The following EYS variants were observed in gnomAD, a reference collection of about 807,000 sequenced individuals.
The protein encoded by EYS is protein eyes shut homolog.
In EYS, 250 loss-of-function variants were observed where a neutral mutation model predicts 282.1. That is an observed-to-expected ratio of 0.89 (90% CI 0.80 to 0.98). The LOEUF (loss-of-function observed/expected upper bound fraction) is 0.98, where lower values mean the gene tolerates loss of function less well. Ranked by LOEUF, EYS falls within the 50% of genes least tolerant of loss-of-function variation. EYS has a pLI of 0.00. For synonymous variants in EYS, 1,355 were observed against 1,282.9 expected (o/e 1.06, Z -1.20); for missense variants, 4,016 against 3,709.0 (o/e 1.08, Z -2.15).
At chr6:64,592,426 A>T (rs1766441687) in intron 25 of EYS, among the ~76,000 whole-genome samples, 1 of 152,158 alleles carries the variant, frequency 6.6e-6, no homozygotes, top group South Asian at 2.1e-4. Context: ...ATTTCAATTT[A>T]ATTTTTTAAA....
intron 26 of EYS, among the ~76,000 whole-genome samples, chr6:64,506,620 T>C (rs1365943079): frequency 6.6e-6 from 1 of 152,118 alleles, no homozygotes; most frequent in African/African-American, 2.4e-5. Context: ...AATTTAAAAC[T>C]GCCTTACCTA....
At chr6:65,220,271 A>T (rs1766427350) in intron 12 of EYS, among the ~76,000 whole-genome samples, 1 of 152,174 alleles carries the variant, frequency 6.6e-6, no homozygotes, top group Admixed American at 6.5e-5. Flanking sequence ...TTCACTCTTC[A>T]TTAGGTACAT....
intron 31 of EYS, among the ~76,000 whole-genome samples, chr6:64,124,072 C>T (rs1037206718): frequency 2.6e-5 from 4 of 152,168 alleles, no homozygotes; most frequent in South Asian, 4.1e-4. Flanking sequence ...GCAAGCCCCA[C>T]GGAACAATAT....
intron 28 of EYS, among the ~76,000 whole-genome samples, chr6:64,431,500 C>T (rs73767806): frequency 0.039 from 5,868 of 152,070 alleles, 367 homozygotes; most frequent in African/African-American, 0.13. Context: ...AGAGGACCAG[C>T]GCAGAAAGAA....
chr6:64,890,042 A>C (rs1767229516), intron 18 of EYS, among the ~76,000 whole-genome samples: 2 of 67,558 alleles, frequency 3.0e-5, no homozygotes, highest in African/African-American at 1.1e-4. Context: ...TAGGCCTATA[A>C]ATGCCCCCCC....
chr6:64,224,396 T>C (rs1766195824), intron 31 of EYS, among the ~76,000 whole-genome samples: 1 of 152,036 alleles, frequency 6.6e-6, no homozygotes, highest in Non-Finnish European at 1.5e-5. Context: ...TTTTGATTGA[T>C]TGAAAACCAT....
intron 12 of EYS, among the ~76,000 whole-genome samples, chr6:65,141,165 A>T (rs1054086151): frequency 7.9e-5 from 12 of 152,090 alleles, no homozygotes; most frequent in African/African-American, 2.9e-4. Context: ...TGCAGCCACA[A>T]AAAATGATGA....
intron 12 of EYS, among the ~76,000 whole-genome samples, chr6:65,290,221 G>T (rs1768485621): frequency 6.6e-6 from 1 of 150,878 alleles, no homozygotes; most frequent in Non-Finnish European, 1.5e-5. Context: ...GTAAAGTTTA[G>T]TAAAGATGGA....
At chr6:64,838,753 C>T (rs1765469232) in intron 19 of EYS, among the ~76,000 whole-genome samples, 1 of 151,820 alleles carries the variant, frequency 6.6e-6, no homozygotes, top group East Asian at 1.9e-4. Flanking sequence ...ATTATCTTTC[C>T]ATAAATTTCC....
intron 31 of EYS, among the ~76,000 whole-genome samples, chr6:64,170,017 G>T (rs1394290098): frequency 6.6e-6 from 1 of 152,110 alleles, no homozygotes; most frequent in Non-Finnish European, 1.5e-5. Context: ...CCTTATATTT[G>T]GGTTGTCTTT....
At chr6:64,126,757 G>A (rs988876792) in intron 31 of EYS, among the ~76,000 whole-genome samples, 6 of 151,686 alleles carry the variant, frequency 4.0e-5, no homozygotes, top group Non-Finnish European at 8.8e-5. Context: ...CTAAATCCCA[G>A]AAACAACTGA....
chr6:64,042,221 T>C (rs1383774146), intron 33 of EYS, among the ~76,000 whole-genome samples: 1 of 152,228 alleles, frequency 6.6e-6, no homozygotes, highest in East Asian at 1.9e-4. Flanking sequence ...TTTGGAGTAC[T>C]GGTCAGGATC....
At chr6:65,540,396 A>C (rs1288883258) in intron 2 of EYS, among the ~76,000 whole-genome samples, 1 of 152,182 alleles carries the variant, frequency 6.6e-6, no homozygotes, top group Non-Finnish European at 1.5e-5. Context: ...CATATTTGTT[A>C]AATGCAAGCA....
In EYS at chr6:65,182,389, G is replaced by GT. The variant is rs1208504701; in HGVS notation, c.2023+113473dup. 4.6e-5 allele frequency among the ~76,000 whole-genome samples: 7 copies of GT among 150,988 alleles called. No homozygotes were observed. In the East Asian group the frequency reaches 9.9e-4, roughly 21 times the overall value. On this transcript the variant is annotated intron_variant, in intron 12 of 42. Coordinates refer to ENST00000503581, the MANE Select transcript of EYS (RefSeq NM_001142800.2). ...CAATTTTAAAGCTTTTAAAAGTTTT[G>GT]TTTTTTTAATTCTGTGCCCATTTTT...
At chr6:65,272,756 T>A (rs919545341) in intron 12 of EYS, among the ~76,000 whole-genome samples, 1 of 152,124 alleles carries the variant, frequency 6.6e-6, no homozygotes, top group Non-Finnish European at 1.5e-5. Context: ...TTAAAACTCA[T>A]TCTCACGGAT....
At chr6:65,012,005 C>T (rs763114360) in intron 13 of EYS, among the ~76,000 whole-genome samples, 2 of 152,114 alleles carry the variant, frequency 1.3e-5, no homozygotes, top group African/African-American at 4.8e-5. Flanking sequence ...TTGATGCTCC[C>T]TATATTTTCT....
intron 36 of EYS, among the ~76,000 whole-genome samples, chr6:63,809,151 G>A (rs1770977725): frequency 1.3e-5 from 2 of 152,168 alleles, no homozygotes. Flanking sequence ...AGGAGAAGAG[G>A]TCAAAGATAA....
chr6:64,693,751 T>A (rs921536546), intron 22 of EYS, among the ~76,000 whole-genome samples: 2 of 152,038 alleles, frequency 1.3e-5, no homozygotes, highest in South Asian at 2.1e-4. Flanking sequence ...ATTAATTTTT[T>A]TAAAAAATCA....
At chr6:63,882,932 G>T (rs530026466) in intron 35 of EYS, among the ~76,000 whole-genome samples, 1 of 152,282 alleles carries the variant, frequency 6.6e-6, no homozygotes, top group South Asian at 2.1e-4. Flanking sequence ...AAACTATACA[G>T]AGGCTAGATC....
Sources: gnomAD v4.1 joint callset for allele counts (sites outside exome capture counted in the v4.1 genomes callset) on GRCh38, gnomAD v4.1.1 for gene constraint, MANE v1.5 for transcripts, NCBI Gene and HGNC (gene_info 2026-07-23, HGNC 2026-07-21) for gene names.